Variants in SPMAP2 observed in about 807,000 individuals in gnomAD.
SPMAP2 encodes the protein sperm microtubule associated protein 2.
chr19:363,224 G>T, the SPMAP2 span, among the ~76,000 whole-genome samples: 2 of 152,162 alleles, frequency 1.3e-5, no homozygotes, highest in African/African-American at 4.8e-5. Context: ...ACAGAGCCTT[G>T]CTCTGTCGCC....
the SPMAP2 span, chr19:374,229 G>C: frequency 1.9e-6 from 3 of 1,589,114 alleles, no homozygotes; most frequent in Non-Finnish European, 2.6e-6. Flanking sequence ...GGGACAGGAG[G>C]AGCCCGGGAA....
the SPMAP2 span, among the ~76,000 whole-genome samples, chr19:367,875 C>T: frequency 1.3e-5 from 2 of 152,072 alleles, no homozygotes; most frequent in Admixed American, 6.5e-5. Context: ...CATTTTTTTT[C>T]TCCATAAATT....
chr19:362,874 C>T, the SPMAP2 span, among the ~76,000 whole-genome samples: 1 of 151,640 alleles, frequency 6.6e-6, no homozygotes, highest in South Asian at 2.1e-4. Flanking sequence ...TATGACTCAG[C>T]CAAGAAAAGG....
At chr19:370,877 C>T in the SPMAP2 span, among the ~76,000 whole-genome samples, 1 of 151,902 alleles carries the variant, frequency 6.6e-6, no homozygotes, top group Non-Finnish European at 1.5e-5. Context: ...GGGCGTAGAG[C>T]GAGGTCAGTG....
At chr19:374,348 G>C in the SPMAP2 span, 28 of 1,614,006 alleles carry the variant, frequency 1.7e-5, no homozygotes, top group Non-Finnish European at 2.4e-5. Context: ...AGCTCCATGA[G>C]CCTCCTCCGC....
the SPMAP2 span, among the ~76,000 whole-genome samples, chr19:364,251 G>A: frequency 1.4e-3 from 203 of 149,270 alleles, 2 homozygotes; most frequent in African/African-American, 4.6e-3. Flanking sequence ...GCAGGAGAAC[G>A]GCGTGAACCC....
the SPMAP2 span, among the ~76,000 whole-genome samples, chr19:370,709 T>C: frequency 3.9e-5 from 6 of 152,190 alleles, no homozygotes; most frequent in African/African-American, 1.4e-4. Flanking sequence ...TACCCTTCAG[T>C]GGGTGCCTGG....
chr19:362,481 A>G, the SPMAP2 span: 1 of 1,443,670 alleles, frequency 6.9e-7, no homozygotes, highest in Admixed American at 2.0e-5. Context: ...AAAGCTCCAC[A>G]TTCAGGCTGG....
At chr19:367,305 G>T in the SPMAP2 span, 2 of 1,371,622 alleles carry the variant, frequency 1.5e-6, no homozygotes, top group African/African-American at 1.5e-5. Flanking sequence ...GACCCCAGGA[G>T]CAACACTGAA....
At chr19:375,814 C>T in the SPMAP2 span, 12 of 1,609,592 alleles carry the variant, frequency 7.5e-6, no homozygotes, top group African/African-American at 1.5e-4. Flanking sequence ...CCCAGCTCTG[C>T]ATTGTCCAGG....
At chr19:375,926 A>G in the SPMAP2 span, 1 of 1,468,086 alleles carries the variant, frequency 6.8e-7, no homozygotes, top group Non-Finnish European at 9.0e-7. Flanking sequence ...CCGCAGCCTC[A>G]GAGCTGGGCT....
the SPMAP2 span, chr19:362,323 C>T: frequency 3.7e-6 from 6 of 1,610,084 alleles, no homozygotes; most frequent in African/African-American, 8.0e-5. Flanking sequence ...TGGGCTTGGC[C>T]AGGGAGATGA....
chr19:366,804 C>T, the SPMAP2 span, among the ~76,000 whole-genome samples: 33,403 of 152,146 alleles, frequency 0.22, 4,007 homozygotes, highest in African/African-American at 0.31. Flanking sequence ...CAGGCCAACA[C>T]CCATTTTAAA....
At chr19:374,388 G>A in the SPMAP2 span, 42 of 1,614,146 alleles carry the variant, frequency 2.6e-5, no homozygotes, top group Admixed American at 5.0e-4. Flanking sequence ...TGGTCATGGT[G>A]GTGCTGGGGA....
chr19:373,967 T>C, the SPMAP2 span: 1 of 1,613,668 alleles, frequency 6.2e-7, no homozygotes, highest in South Asian at 1.1e-5. Context: ...CAAGCTCATC[T>C]TACATGGGGA....
the SPMAP2 span, among the ~76,000 whole-genome samples, chr19:363,958 T>C: frequency 1.7e-4 from 26 of 152,248 alleles, 2 homozygotes; most frequent in South Asian, 5.4e-3. Context: ...CACCTCAGCC[T>C]CGCAAGTAGC....
At chr19:363,900 C>T in the SPMAP2 span, among the ~76,000 whole-genome samples, 1 of 152,032 alleles carries the variant, frequency 6.6e-6, no homozygotes, top group Non-Finnish European at 1.5e-5. Context: ...ATCTTTAGCT[C>T]ACTGCAGCCT....
At chr19:374,510 C>A in the SPMAP2 span, 2 of 1,559,630 alleles carry the variant, frequency 1.3e-6, no homozygotes, top group Non-Finnish European at 8.7e-7. Context: ...TGCTCAAGCG[C>A]CTTTTGTCTG....
the SPMAP2 span, among the ~76,000 whole-genome samples, chr19:370,208 G>A: frequency 2.2e-4 from 33 of 152,336 alleles, no homozygotes; most frequent in Middle Eastern, 0.01. Context: ...AGACGGCGCC[G>A]TCACTTTGGA....
Sources: gnomAD v4.1 joint callset for allele counts (sites outside exome capture counted in the v4.1 genomes callset) on GRCh38, gnomAD v4.1.1 for gene constraint, MANE v1.5 for transcripts, NCBI Gene and HGNC (gene_info 2026-07-23, HGNC 2026-07-21) for gene names.